The following TDRD3 variants were observed in gnomAD, a reference collection of about 807,000 sequenced individuals.
The protein encoded by TDRD3 is tudor domain-containing protein 3.
TDRD3 carries 45 observed loss-of-function variants against 86.7 expected under a neutral mutation model. The observed-to-expected ratio is 0.52, with a 90% CI of 0.41 to 0.67. The LOEUF is 0.67. Ranked by LOEUF, TDRD3 falls within the 30% of genes least tolerant of loss-of-function variation. The pLI is 0.00. For missense variants in TDRD3, 814 were observed against 889.0 expected, an observed-to-expected ratio of 0.92 and a Z score of 1.07; for synonymous variants, 298 against 301.7, an observed-to-expected ratio of 0.99 and a Z score of 0.13.
At chr13:60,549,286 A>C (rs1229314093) in intron 12 of TDRD3, among the ~76,000 whole-genome samples, 3 of 152,092 alleles carry the variant, frequency 2.0e-5, no homozygotes, top group African/African-American at 7.2e-5. Context: ...CTGCAAGAAA[A>C]GTTTGGTAAC....
intron 12 of TDRD3, chr13:60,537,398 C>G (rs954441375): frequency 6.6e-6 from 1 of 151,964 alleles, no homozygotes; most frequent in Admixed American, 6.6e-5. Context: ...TATTTGTGTG[C>G]ATATAGATGT....
chr13:60,497,041 C>T (rs1055852662), intron 8 of TDRD3, among the ~76,000 whole-genome samples: 1 of 152,182 alleles, frequency 6.6e-6, no homozygotes. Context: ...GGGACTTAGC[C>T]ATACAGGAAC....
chr13:60,528,765 G>A lies in TDRD3; in HGVS notation c.1540G>A (p.Ala514Thr). The change falls in exon 11 of 14, where the codon GCA (alanine) becomes ACA (threonine). Residue 514 changes from alanine (A) to threonine (T), a missense_variant. Ala to Thr is a moderately conservative substitution (Grantham distance 58, BLOSUM62 0). Coordinates refer to ENST00000377881, the MANE Select transcript of TDRD3 (RefSeq NM_001146070.2). ...QSRSGKGPSFAEAKENPLPQG... is the reference protein window; with the variant it reads ...QSRSGKGPSFTEAKENPLPQG... ...CAGATCAGGAAAAGGTCCCTCCTTT[G>A]CAGAGGCAAAAGAAAATCCACTTCC... The A allele has an allele frequency of 1.2e-6, 2 of 1,613,508 alleles. No homozygotes were observed. Among genetic ancestry groups the A allele is most frequent in the Non-Finnish European group, 1.7e-6 (2 of 1,179,840 alleles).
At chr13:60,455,518 T>C (rs901462865) in intron 3 of TDRD3, among the ~76,000 whole-genome samples, 6 of 152,164 alleles carry the variant, frequency 3.9e-5, no homozygotes, top group African/African-American at 1.4e-4. Context: ...GGAAATGCTT[T>C]TGGAAGTAGT....
chr13:60,571,547 A>G (rs1958584855), intron 13 of TDRD3, among the ~76,000 whole-genome samples: 1 of 152,236 alleles, frequency 6.6e-6, no homozygotes, highest in Non-Finnish European at 1.5e-5. Context: ...TTTAAAAAAC[A>G]TAATTTCACA....
At chr13:60,470,882 C>T (rs1956064438) in intron 5 of TDRD3, among the ~76,000 whole-genome samples, 1 of 152,008 alleles carries the variant, frequency 6.6e-6, no homozygotes, top group Non-Finnish European at 1.5e-5. Context: ...CATGCCCGGC[C>T]TTCATTATAG....
intron 10 of TDRD3, among the ~76,000 whole-genome samples, chr13:60,512,670 G>A (rs988964207): frequency 6.6e-6 from 1 of 152,186 alleles, no homozygotes; most frequent in Admixed American, 6.5e-5. Flanking sequence ...AATCCAGCAT[G>A]TTAGTCAAAT....
At chr13:60,467,117 T>C (rs1041569394) in intron 4 of TDRD3, 121 bp from the exon 5 acceptor site, 2 of 1,158,954 alleles carry the variant, frequency 1.7e-6, no homozygotes, top group Non-Finnish European at 2.4e-6. Flanking sequence ...TAGCTGTTTT[T>C]CCTAATGCTC....
At chr13:60,547,270 C>G in intron 12 of TDRD3, 1 of 985,372 alleles carries the variant, frequency 1.0e-6, no homozygotes, top group Non-Finnish European at 1.2e-6. Context: ...AGACACTGTG[C>G]TTTATCCTGA....
At chr13:60,515,264 G>A (rs149268499) in intron 10 of TDRD3, among the ~76,000 whole-genome samples, 3 of 151,972 alleles carry the variant, frequency 2.0e-5, no homozygotes, top group South Asian at 2.1e-4. Flanking sequence ...CCATTGTTTC[G>A]AATGGCTACT....
At position 60,519,625 on chromosome 13, in the gene TDRD3, T is replaced by C. The variant is rs141125361; in HGVS notation, c.1142-8742T>C. ...AAATACTGAAAATAACTCATGGTTA[T>C]TAATGATTTAATGCCAGTAGTATAA... On this transcript the variant is annotated intron_variant, in intron 10 of 13. Transcript: ENST00000377881. Among the ~76,000 whole-genome samples, 449 of 152,298 alleles carry C rather than the reference T, an allele frequency of 2.9e-3. 1 individual carries two copies. Among genetic ancestry groups the C allele is most frequent in the Non-Finnish European group, 5.2e-3 (356 of 67,996 alleles).
At chr13:60,400,682 G>T (rs997113377) in intron 1 of TDRD3, among the ~76,000 whole-genome samples, 4 of 151,508 alleles carry the variant, frequency 2.6e-5, no homozygotes, top group African/African-American at 9.7e-5. Context: ...AGGTTGCAGT[G>T]AGTCGAGATT....
intron 10 of TDRD3, among the ~76,000 whole-genome samples, chr13:60,519,551 C>T (rs1324668708): frequency 6.6e-6 from 1 of 151,650 alleles, no homozygotes; most frequent in Non-Finnish European, 1.5e-5. Flanking sequence ...TTTTTTTAAC[C>T]CTGGCAGAAA....
intron 12 of TDRD3, among the ~76,000 whole-genome samples, chr13:60,564,887 C>A (rs1411952388): frequency 6.6e-6 from 1 of 152,042 alleles, no homozygotes; most frequent in Non-Finnish European, 1.5e-5. Context: ...AGTACCCATT[C>A]TGTGCTAAAA....
intron 12 of TDRD3, among the ~76,000 whole-genome samples, chr13:60,549,110 T>C (rs2137889556): frequency 6.6e-6 from 1 of 152,296 alleles, no homozygotes; most frequent in South Asian, 2.1e-4. Flanking sequence ...AATTTATAGC[T>C]TGAAAAGACA....
chr13:60,546,555 T>C (rs946833729), intron 12 of TDRD3, among the ~76,000 whole-genome samples: 4 of 152,112 alleles, frequency 2.6e-5, no homozygotes, highest in Admixed American at 2.0e-4. Flanking sequence ...TGAAAATATT[T>C]AAAGTGGTCA....
intron 1 of TDRD3, among the ~76,000 whole-genome samples, chr13:60,426,957 A>G (rs754181586): frequency 4.6e-5 from 7 of 152,210 alleles, no homozygotes; most frequent in Non-Finnish European, 7.3e-5. Context: ...ATGTTATCGT[A>G]CTGAATACTG....
intron 1 of TDRD3, among the ~76,000 whole-genome samples, chr13:60,422,345 G>A (rs1488342624): frequency 6.6e-6 from 1 of 152,120 alleles, no homozygotes; most frequent in Non-Finnish European, 1.5e-5. Flanking sequence ...AGGAAAGGGT[G>A]ACATTGGACT....
At chr13:60,567,775 G>A in intron 13 of TDRD3, 125 bp downstream of exon 13, 1 of 1,224,658 alleles carries the variant, frequency 8.2e-7, no homozygotes, top group South Asian at 1.5e-5. Flanking sequence ...CCAGGCTGGA[G>A]TGCAGTGGCG....
Sources: allele counts gnomAD v4.1 joint callset (sites outside exome capture counted in the v4.1 genomes callset), GRCh38; gene constraint gnomAD v4.1.1; transcripts MANE v1.5; gene names NCBI Gene and HGNC (gene_info 2026-07-23, HGNC 2026-07-21).